The following TBL1X variants were observed in gnomAD, a reference collection of about 807,000 sequenced individuals.
TBL1X encodes transducin beta like 1 X-linked.
In TBL1X, 10 loss-of-function variants were observed where a neutral mutation model predicts 50.7. The ratio of observed to expected loss-of-function variants is 0.20; its 90% confidence interval spans 0.12 to 0.33. The LOEUF is 0.33. Ranked by LOEUF, TBL1X falls within the 10% of genes least tolerant of loss-of-function variation. The pLI is 1.00. For synonymous variants in TBL1X, 190 were observed against 214.7 expected (o/e 0.88, Z 1.01); for missense variants, 340 against 504.4 (o/e 0.67, Z 3.12).
At chrX:9,516,403 A>G (rs1453048084) in intron 2 of TBL1X, among the ~76,000 whole-genome samples, 2 of 111,938 alleles carry the variant, frequency 1.8e-5, no homozygotes, top group African/African-American at 3.3e-5. Flanking sequence ...GGGAGTACAC[A>G]TACTGGAGGG....
rs191283498 is a variant in TBL1X at position 9,689,076 on chromosome X, G to A, written c.616+801G>A. 3.5e-3 allele frequency among the ~76,000 whole-genome samples: 403 copies of A among 113,551 alleles called. 1 individual carries two copies. The highest frequency in any genetic ancestry group is 6.5e-3 in the Non-Finnish European group (345 of 53,207). ...CGTGTGCGCACCTGTGTTCCTGTGC[G>A]TGTGTGTGCACAAGTTTGTGTGCGT... On this transcript the variant is annotated intron_variant, in intron 7 of 17. Coordinates refer to ENST00000645353, the MANE Select transcript of TBL1X (RefSeq NM_005647.4).
chrX:9,713,657 A>AC (rs1314900635), intron 16 of TBL1X, among the ~76,000 whole-genome samples: 1 of 109,674 alleles, frequency 9.1e-6, no homozygotes, highest in Non-Finnish European at 1.9e-5. Context: ...TGAACTCCTG[A>AC]CCCCAGGCAA....
intron 2 of TBL1X, among the ~76,000 whole-genome samples, chrX:9,532,905 G>C (rs775210187): frequency 9.0e-6 from 1 of 111,408 alleles, no homozygotes; most frequent in Admixed American, 9.5e-5. Context: ...GTTGGGAGTA[G>C]GGATGTAATA....
chrX:9,713,067 G>GA (rs1378344914), intron 16 of TBL1X, among the ~76,000 whole-genome samples: 7 of 110,942 alleles, frequency 6.3e-5, no homozygotes, highest in African/African-American at 2.3e-4. Context: ...GGACTCAATG[G>GA]TGATGAGCCC....
At chrX:9,672,654 C>T (rs1280541728) in intron 5 of TBL1X, among the ~76,000 whole-genome samples, 2 of 111,456 alleles carry the variant, frequency 1.8e-5, no homozygotes, top group African/African-American at 6.5e-5. Flanking sequence ...CACTCCCAAT[C>T]TCTCCAGTGA....
intron 2 of TBL1X, among the ~76,000 whole-genome samples, chrX:9,548,239 A>T (rs112077933): frequency 5.1e-3 from 569 of 111,340 alleles, no homozygotes; most frequent in African/African-American, 0.018. Flanking sequence ...CTTTGAGTTA[A>T]GTATTTTTCA....
intron 2 of TBL1X, among the ~76,000 whole-genome samples, chrX:9,621,462 C>T (rs1169969512): frequency 8.9e-6 from 1 of 112,040 alleles, no homozygotes; most frequent in Admixed American, 9.4e-5. Context: ...TTCTCACTGA[C>T]TCCCCACCTT....
intron 2 of TBL1X, among the ~76,000 whole-genome samples, chrX:9,536,285 T>C (rs1601740849): frequency 9.3e-6 from 1 of 108,046 alleles, no homozygotes. Context: ...GGAGTCTTGC[T>C]CTGTCACCAG....
intron 3 of TBL1X, among the ~76,000 whole-genome samples, chrX:9,652,918 G>A (rs976123809): frequency 1.2e-4 from 13 of 111,360 alleles, no homozygotes; most frequent in African/African-American, 2.0e-4. Context: ...CGTAATCCCA[G>A]CACTTTGGGA....
chrX:9,688,296 A>C, intron 7 of TBL1X, 21 bp downstream of exon 7: 1 of 1,117,079 alleles, frequency 9.0e-7, no homozygotes. Context: ...GGGCTCTGGG[A>C]GTTCGGTGGG....
chrX:9,587,223 G>T (rs762776156), intron 2 of TBL1X, among the ~76,000 whole-genome samples: 1 of 112,078 alleles, frequency 8.9e-6, no homozygotes, highest in South Asian at 3.7e-4. Context: ...TCTGTGTCGG[G>T]AGTGAGAGCT....
intron 3 of TBL1X, among the ~76,000 whole-genome samples, chrX:9,643,384 A>T (rs1443857868): frequency 8.9e-6 from 1 of 112,051 alleles, no homozygotes; most frequent in Admixed American, 9.4e-5. Context: ...GTTGTCAGTC[A>T]TATGGCTGTG....
chrX:9,604,060 T>A (rs1182610176), intron 2 of TBL1X, among the ~76,000 whole-genome samples: 1 of 111,674 alleles, frequency 9.0e-6, no homozygotes, highest in Non-Finnish European at 1.9e-5. Context: ...ACGTTAGGAC[T>A]TTAGCATGTG....
intron 1 of TBL1X, among the ~76,000 whole-genome samples, chrX:9,472,718 T>C (rs761054483): frequency 1.0e-4 from 11 of 109,898 alleles, no homozygotes; most frequent in South Asian, 7.7e-4. Context: ...TCGAGACCAT[T>C]CTAGCTAACA....
intron 1 of TBL1X, among the ~76,000 whole-genome samples, chrX:9,467,260 C>T (rs936490284): frequency 9.0e-6 from 1 of 111,165 alleles, no homozygotes; most frequent in African/African-American, 3.3e-5. Flanking sequence ...CAGCAGGTCC[C>T]GAGGGTCAGG....
chrX:9,581,278 T>C (rs1028394981), intron 2 of TBL1X, among the ~76,000 whole-genome samples: 2 of 112,155 alleles, frequency 1.8e-5, no homozygotes, highest in African/African-American at 6.5e-5. Flanking sequence ...TAAACTTGCA[T>C]GCTTCCATAT....
At chrX:9,631,702 G>A (rs1316365128) in intron 2 of TBL1X, among the ~76,000 whole-genome samples, 2 of 112,723 alleles carry the variant, frequency 1.8e-5, no homozygotes, top group Non-Finnish European at 1.9e-5. Context: ...ACCATAATAC[G>A]TTGTTATTAA....
chrX:9,586,898 T>G (rs781472589), intron 2 of TBL1X, among the ~76,000 whole-genome samples: 2 of 111,981 alleles, frequency 1.8e-5, no homozygotes, highest in African/African-American at 3.2e-5. Flanking sequence ...AGATTCTATC[T>G]CAAAAAAATA....
chrX:9,643,567 T>C (rs937722733), intron 3 of TBL1X, among the ~76,000 whole-genome samples: 1 of 111,651 alleles, frequency 9.0e-6, no homozygotes, highest in Non-Finnish European at 1.9e-5. Context: ...AAAATTGATA[T>C]AGGCCAGGCA....
Sources: gnomAD v4.1 joint callset for allele counts (sites outside exome capture counted in the v4.1 genomes callset) on GRCh38, gnomAD v4.1.1 for gene constraint, MANE v1.5 for transcripts, NCBI Gene and HGNC (gene_info 2026-07-23, HGNC 2026-07-21) for gene names.